Variants in PAK2 observed in about 807,000 individuals in gnomAD.
PAK2 encodes p21 (RAC1) activated kinase 2.
PAK2 carries 21 observed loss-of-function variants against 65.9 expected under a neutral mutation model. That is an observed-to-expected ratio of 0.32 (90% CI 0.23 to 0.46). PAK2 has a LOEUF of 0.46. PAK2 is among the 20% of genes least tolerant of loss of function. The probability of loss-of-function intolerance (pLI) is 1.00; values close to 1 mark genes in which losing one functional copy is unlikely to be tolerated. For synonymous variants in PAK2, 204 were observed against 219.7 expected (o/e 0.93, Z 0.63); for missense variants, 324 against 642.6 (o/e 0.50, Z 5.36).
At chr3:196,804,784 T>C (rs1253170623) in intron 4 of PAK2, among the ~76,000 whole-genome samples, 1 of 147,418 alleles carries the variant, frequency 6.8e-6, no homozygotes, top group East Asian at 2.0e-4. Context: ...GTATGTAATA[T>C]GTGATATGTG....
intron 4 of PAK2, among the ~76,000 whole-genome samples, chr3:196,804,087 A>G (rs553434971): frequency 2.3e-4 from 35 of 152,236 alleles, no homozygotes; most frequent in African/African-American, 8.4e-4. Flanking sequence ...TTTGCTCACT[A>G]CATCCTCAGG....
At chr3:196,761,886 C>T (rs1713984827) in intron 1 of PAK2, among the ~76,000 whole-genome samples, 1 of 149,568 alleles carries the variant, frequency 6.7e-6, no homozygotes, top group Admixed American at 6.7e-5. Flanking sequence ...CGGAGACGCT[C>T]CTCACTTCCC....
chr3:196,762,599 TCAGA>T (rs1296597613), intron 1 of PAK2, among the ~76,000 whole-genome samples: 1 of 148,782 alleles, frequency 6.7e-6, no homozygotes, highest in Non-Finnish European at 1.5e-5. Context: ...GGCAGGAGAA[TCAGA>T]CAGGGAGGTT....
rs1300729287 is a variant in PAK2, at chr3:196,760,494, G to A, written c.-22+20337G>A. Among the ~76,000 whole-genome samples, 6 of 152,152 alleles carry A rather than the reference G, an allele frequency of 3.9e-5. No homozygotes were observed. In the South Asian group the frequency reaches 6.2e-4, roughly 16 times the overall value. The stretch of plus-strand genomic sequence containing the variant: ...TCGAACTCCTGAGCTCAGGTGAACC[G>A]CCGGCCTCAGCCTCCCAAAGTGCTG... On this transcript the variant is annotated intron_variant, in intron 1 of 14. Transcript: ENST00000327134.
intron 1 of PAK2, among the ~76,000 whole-genome samples, chr3:196,764,856 T>C (rs1714105574): frequency 6.9e-6 from 1 of 145,620 alleles, no homozygotes; most frequent in African/African-American, 2.5e-5. Context: ...TTTTTTTTTT[T>C]TTTTGAGACG....
intron 12 of PAK2, among the ~76,000 whole-genome samples, chr3:196,819,196 CT>C (rs1387403223): frequency 6.6e-6 from 1 of 152,148 alleles, no homozygotes; most frequent in African/African-American, 2.4e-5. Flanking sequence ...AATCCCAGCA[CT>C]TTGGGAGGTC....
chr3:196,755,969 T>C (rs1173238534), intron 1 of PAK2, among the ~76,000 whole-genome samples: 1 of 152,082 alleles, frequency 6.6e-6, no homozygotes, highest in Non-Finnish European at 1.5e-5. Flanking sequence ...TTGGTCTGGC[T>C]GGTGTTGAAC....
At chr3:196,803,630 G>A (rs1279040957) in intron 4 of PAK2, among the ~76,000 whole-genome samples, 1 of 152,176 alleles carries the variant, frequency 6.6e-6, no homozygotes, top group African/African-American at 2.4e-5. Context: ...TAGAATATAT[G>A]TATTTTAATA....
chr3:196,801,171 G>T (rs1293723666), intron 2 of PAK2, among the ~76,000 whole-genome samples: 2 of 152,186 alleles, frequency 1.3e-5, no homozygotes, highest in African/African-American at 4.8e-5. Context: ...TACTTGTCTT[G>T]ACAGTGTGTA....
At chr3:196,826,414 G>C (rs576727003) in intron 13 of PAK2, among the ~76,000 whole-genome samples, 4 of 151,384 alleles carry the variant, frequency 2.6e-5, no homozygotes, top group African/African-American at 4.9e-5. Context: ...CCTCGTGACC[G>C]GCCCGCCTTA....
rs1196190017 is a variant in PAK2 at position 196,818,085 on chromosome 3, C to T, written c.1082C>T (p.Ala361Val). ...ECLQALEFLHANQVIHRDIKS... is the reference protein window; with the variant it reads ...ECLQALEFLHVNQVIHRDIKS... ...TTACAGGCATTGGAGTTTTTACATGCTAATCAAGTGATCCACAGAGACATC... is the reference window on the plus strand; with the variant it reads ...TTACAGGCATTGGAGTTTTTACATGTTAATCAAGTGATCCACAGAGACATC... The change falls in exon 12 of 15, where the codon GCT becomes GTT. Residue 361 changes from alanine to valine, a missense_variant. Physicochemically the swap from Ala to Val is moderately conservative, Grantham distance 64. Coordinates refer to ENST00000327134, the MANE Select transcript of PAK2 (RefSeq NM_002577.4). 9 of 1,513,922 alleles carry T rather than the reference C, an allele frequency of 5.9e-6. No homozygotes were observed. The highest frequency in any genetic ancestry group is 1.4e-5 in the African/African-American group (1 of 72,358). The allele number at this position is 1,513,922 out of a possible 1,614,324, so 93.8% of individuals were successfully genotyped here.
At position 196,812,858 on chromosome 3, in the gene PAK2, A is replaced by G. The variant is rs776110388; in HGVS notation, c.935+7A>G. On this transcript the variant is annotated splice_region_variant and intron_variant, in intron 10 of 14. Transcript: ENST00000327134. ...TCGTTAACTTTTTGGACAGGTAAGTATGACTATTCCTTAAACACCGGGAGA... is the reference window on the plus strand; with the variant it reads ...TCGTTAACTTTTTGGACAGGTAAGTGTGACTATTCCTTAAACACCGGGAGA... 5 of 1,189,806 alleles carry G rather than the reference A, an allele frequency of 4.2e-6. No homozygotes were observed. The Admixed American group carries it at 7.1e-5, about 17-fold the overall frequency. The allele number at this position is 1,189,806 out of a possible 1,614,324, so 73.7% of individuals were successfully genotyped here. A position where few individuals can be genotyped will look rare whatever the true frequency, so the allele number is the denominator to read the frequency against.
chr3:196,773,365 A>T (rs541511609), intron 1 of PAK2, among the ~76,000 whole-genome samples: 2 of 152,340 alleles, frequency 1.3e-5, no homozygotes, highest in South Asian at 4.1e-4. Flanking sequence ...TTTGGCTAAC[A>T]TATAAGATGA....
chr3:196,801,553 A>G (rs974333316), intron 2 of PAK2, among the ~76,000 whole-genome samples: 3 of 152,214 alleles, frequency 2.0e-5, no homozygotes, highest in Non-Finnish European at 4.4e-5. Flanking sequence ...AAATATAAAC[A>G]TAATATGCCG....
intron 1 of PAK2, among the ~76,000 whole-genome samples, chr3:196,762,776 C>T (rs993865256): frequency 6.8e-6 from 1 of 146,048 alleles, no homozygotes; most frequent in African/African-American, 2.5e-5. Flanking sequence ...GCCTGGGCAA[C>T]GAGAGTGAAA....
chr3:196,825,066 C>T (rs1711789594), intron 13 of PAK2, among the ~76,000 whole-genome samples: 1 of 152,200 alleles, frequency 6.6e-6, no homozygotes, highest in South Asian at 2.1e-4. Flanking sequence ...TAATTTAGGA[C>T]CAGACGCAGC....
At chr3:196,755,750 A>G (rs1005232444) in intron 1 of PAK2, among the ~76,000 whole-genome samples, 25 of 149,896 alleles carry the variant, frequency 1.7e-4, no homozygotes, top group Non-Finnish European at 3.1e-4. Context: ...GAGCCACTGC[A>G]CCCAGACTTC....
At chr3:196,768,289 C>T (rs9872681) in intron 1 of PAK2, among the ~76,000 whole-genome samples, 1,650 of 151,772 alleles carry the variant, frequency 0.011, 50 homozygotes, top group African/African-American at 0.038. Context: ...TTAATTTTGC[C>T]GAGATATTTT....
Position 196,818,068 on chromosome 3 carries a change from A to G in PAK2, c.1065A>G (p.Ala355=), listed in dbSNP as rs1257743498. ...IAAVCRECLQ[A]LEFLHANQVI... ...TTTCTTCTGTTCAGTGTTTACAGGC[A>G]TTGGAGTTTTTACATGCTAATCAAG... The change falls in exon 12 of 15, where the codon GCA becomes GCG. Residue 355 remains alanine (A), a synonymous_variant. Transcript: ENST00000327134. 5 of 1,422,710 alleles carry G rather than the reference A, an allele frequency of 3.5e-6. No individual in the cohort carries two copies. Among genetic ancestry groups the G allele is most frequent in the Non-Finnish European group, 4.0e-6 (4 of 1,007,780 alleles). The allele number at this position is 1,422,710 out of a possible 1,614,324, so 88.1% of individuals were successfully genotyped here.
Sources: allele counts gnomAD v4.1 joint callset (sites outside exome capture counted in the v4.1 genomes callset), GRCh38; gene constraint gnomAD v4.1.1; transcripts MANE v1.5; gene names NCBI Gene and HGNC (gene_info 2026-07-23, HGNC 2026-07-21).